ZFYVE26: variants seen among roughly 807,000 people sequenced by gnomAD.
The protein encoded by ZFYVE26 is zinc finger FYVE domain-containing protein 26.
ZFYVE26 carries 181 observed loss-of-function variants against 276.5 expected under a neutral mutation model. That is an observed-to-expected ratio of 0.65 (90% CI 0.58 to 0.74). ZFYVE26 has a LOEUF of 0.74. ZFYVE26 is among the 30% of genes least tolerant of loss of function. The pLI, the probability that ZFYVE26 is intolerant of heterozygous loss-of-function variation, is 0.00. For synonymous variants in ZFYVE26, 1,129 were observed against 1,203.1 expected (o/e 0.94, Z 1.27); for missense variants, 2,821 against 3,097.9 (o/e 0.91, Z 2.12).
Position 67,774,165 on chromosome 14 carries a change from A to G in ZFYVE26, c.5320+851T>C, listed in dbSNP as rs76000094. Among the ~76,000 whole-genome samples the G allele has an allele frequency of 2.3e-4, 35 of 152,340 alleles. 1 individual carries two copies. The East Asian group carries it at 6.6e-3, about 29-fold the overall frequency. On this transcript the variant is annotated intron_variant, in intron 27 of 41. Transcript: ENST00000347230. ...CGGTCATGAAAGTTTTGAGTCACCC[A>G]ATACTCAACACTCAAATTCCCAACT...
chr14:67,759,933 C>T (rs989248815), intron 35 of ZFYVE26, among the ~76,000 whole-genome samples: 61 of 152,228 alleles, frequency 4.0e-4, no homozygotes, highest in African/African-American at 1.4e-3. Flanking sequence ...CTTCCATGCT[C>T]CAGGCATTCA....
chr14:67,755,089 T>C lies in ZFYVE26; in HGVS notation c.6948A>G (p.Thr2316=), dbSNP rs751762332. ...TSRSSGRKKT[T]FFRKKMTAAD... is the part of the protein sequence containing the mutation. The stretch of plus-strand genomic sequence containing the variant: ...CTGCAGTCATCTTCTTTCTGAAGAA[T>C]GTGGTTTTCTTCCTTCCAGAGCTGC... Residue 2316 remains threonine, a synonymous_variant, in exon 37 of 42, where the codon ACA becomes ACG. Transcript: ENST00000347230. The C allele has an allele frequency of 2.5e-6, 4 of 1,614,070 alleles. No individual in the cohort carries two copies. In the African/African-American group the frequency reaches 4.0e-5, roughly 16 times the overall value.
chr14:67,765,711 T>C (rs1278838918), intron 32 of ZFYVE26, among the ~76,000 whole-genome samples: 2 of 152,184 alleles, frequency 1.3e-5, no homozygotes, highest in Non-Finnish European at 2.9e-5. Context: ...TACACACTTC[T>C]ACTTTATGAC....
intron 9 of ZFYVE26, among the ~76,000 whole-genome samples, chr14:67,803,245 A>C (rs1472427154): frequency 1.3e-5 from 2 of 151,976 alleles, no homozygotes; most frequent in Non-Finnish European, 2.9e-5. Context: ...GAGGGGAGGG[A>C]AATAAGATAA....
chr14:67,783,065 A>G lies in ZFYVE26; in HGVS notation c.4087T>C (p.Phe1363Leu), dbSNP rs1409739105. The G allele has an allele frequency of 6.2e-7, 1 of 1,614,052 alleles. No individual in the cohort carries two copies. The highest frequency in any genetic ancestry group is 2.2e-5 in the East Asian group (1 of 44,878). The change falls in exon 21 of 42, where the codon TTC becomes CTC. Residue 1363 changes from phenylalanine to leucine, a missense_variant. Coordinates refer to ENST00000347230, the MANE Select transcript of ZFYVE26 (RefSeq NM_015346.4). ...ARECERLLEQ[F>L]PLFEAFLLAA... ...AGGAGGAAGGCCTCAAACAGAGGGA[A>G]TTGTTCCAGAAGGCGCTCACACTCC... is the stretch of plus-strand genomic sequence containing the variant.
In ZFYVE26 at chr14:67,767,744, T is replaced by C. The variant is rs1594896697; in HGVS notation, c.5750A>G (p.Glu1917Gly). 6.2e-7 allele frequency: 1 copy of C among 1,614,160 alleles called. No individual in the cohort carries two copies. Among genetic ancestry groups the C allele is most frequent in the South Asian group, 1.1e-5 (1 of 91,090 alleles). The stretch of plus-strand genomic sequence containing the variant: ...TTCACTCCGCACCAGCTCATTTTCC[T>C]CCTCTTTGAGATCCAAAATCCATTC... ...EVEWILDLKE[E>G]ENELVRSEFY... Residue 1917 changes from glutamate to glycine, a missense_variant, in exon 31 of 42, where the codon GAG (glutamate) becomes GGG (glycine). Transcript: ENST00000347230.
intron 29 of ZFYVE26, 65 bp from the exon 30 acceptor site, chr14:67,768,613 T>C (rs1378597927): frequency 2.0e-6 from 3 of 1,516,710 alleles, no homozygotes; most frequent in Non-Finnish European, 2.7e-6. Context: ...TTGAGCTTCG[T>C]AGACAGCATC....
At chr14:67,738,077 GA>G (rs1316091835) in intron 13 of ZFYVE26, among the ~76,000 whole-genome samples, 16 of 152,032 alleles carry the variant, frequency 1.1e-4, no homozygotes, top group African/African-American at 3.4e-4. Context: ...TCAAAAATTT[GA>G]AAGCTTAGCA....
chr14:67,783,101 G>A lies in ZFYVE26; in HGVS notation c.4051C>T (p.Gln1351Ter). Residue 1351 changes from glutamine (Q) to a stop codon, truncating the protein, a stop_gained, in exon 21 of 42, where the codon CAG (glutamine) becomes TAG (stop). Coordinates refer to ENST00000347230, the MANE Select transcript of ZFYVE26 (RefSeq NM_015346.4). LOFTEE classifies it high-confidence loss of function. ...GRREVPLAAE[Q>*]VARECERLLE... ...AGGCGCTCACACTCCCGGGCTACCTGCTCTGCAGCCAGAGGCACCTCCCTG... is the reference window on the plus strand; with the variant it reads ...AGGCGCTCACACTCCCGGGCTACCTACTCTGCAGCCAGAGGCACCTCCCTG... The A allele has an allele frequency of 6.2e-7, 1 of 1,611,832 alleles. No homozygotes were observed. Among genetic ancestry groups the A allele is most frequent in the South Asian group, 1.1e-5 (1 of 91,038 alleles).
intron 8 of ZFYVE26, among the ~76,000 whole-genome samples, 185 bp downstream of exon 8, chr14:67,805,032 C>T (rs1329304836): frequency 6.6e-6 from 1 of 152,202 alleles, no homozygotes; most frequent in Non-Finnish European, 1.5e-5. Context: ...ACCTGATTGT[C>T]ATGGTGAAGG....
chr14:67,771,857 T>C (rs1413317080), intron 28 of ZFYVE26, among the ~76,000 whole-genome samples, 190 bp downstream of exon 28: 1 of 152,242 alleles, frequency 6.6e-6, no homozygotes, highest in Non-Finnish European at 1.5e-5. Flanking sequence ...TTTGAGGGTG[T>C]CTACTACCTG....
chr14:67,816,141 T>A, intron 1 of ZFYVE26, 95 bp from the exon 2 acceptor site: 1 of 581,140 alleles, frequency 1.7e-6, no homozygotes. Flanking sequence ...CGGGACTTGC[T>A]TGCCTAAGTA....
At chr14:67,793,516 T>G (rs933880104) in intron 14 of ZFYVE26, 92 bp downstream of exon 14, 1 of 1,462,474 alleles carries the variant, frequency 6.8e-7, no homozygotes, top group African/African-American at 1.4e-5. Flanking sequence ...TGTGGACCCC[T>G]GAGTGCTCCC....
intron 14 of ZFYVE26, among the ~76,000 whole-genome samples, chr14:67,792,933 AAG>A (rs2039857991): frequency 6.7e-6 from 1 of 149,564 alleles, no homozygotes; most frequent in South Asian, 2.1e-4. Context: ...AAAAAAAAAA[AAG>A]AAAAGGAAAT....
At chr14:67,743,520 A>C (rs1370835718), downstream of ZFYVE26, among the ~76,000 whole-genome samples, 2 of 92,858 alleles carry the variant, frequency 2.2e-5, no homozygotes, top group African/African-American at 8.0e-5. Flanking sequence ...ATAAAATAAA[A>C]TAAAATAAAA....
chr14:67,786,516 C>T (rs2140228729), intron 16 of ZFYVE26, among the ~76,000 whole-genome samples: 1 of 152,304 alleles, frequency 6.6e-6, no homozygotes, highest in South Asian at 2.1e-4. Context: ...ATAGATTTGC[C>T]TTGGTACTGC....
Position 67,768,531 on chromosome 14 carries a change from G to C in ZFYVE26, c.5639C>G (p.Ser1880Ter). 6.2e-7 allele frequency: 1 copy of C among 1,614,158 alleles called. No individual in the cohort carries two copies. The highest frequency in any genetic ancestry group is 8.5e-7 in the Non-Finnish European group (1 of 1,180,018). The change falls in exon 30 of 42, where the codon TCA becomes TGA. Residue 1880 changes from serine to a stop codon, truncating the protein, a stop_gained. Transcript: ENST00000347230. LOFTEE classifies it high-confidence loss of function. ...YCNKDVPEEP[S>*]EKPEALDSSK... ...TTTGGCCTTACCTTCTGGTTTTTCT[G>C]AAGGCTCCTCTGGTACACTGAAAAC... is the stretch of plus-strand genomic sequence containing the variant.
intron 40 of ZFYVE26, among the ~76,000 whole-genome samples, chr14:67,751,994 C>T (rs2038658423): frequency 6.6e-6 from 1 of 152,208 alleles, no homozygotes; most frequent in Admixed American, 6.5e-5. Context: ...TCCACAAAGC[C>T]ACCATGGGAG....
intron 39 of ZFYVE26, among the ~76,000 whole-genome samples, chr14:67,752,793 T>C (rs2038683942): frequency 6.6e-6 from 1 of 152,210 alleles, no homozygotes; most frequent in African/African-American, 2.4e-5. Context: ...ACTGAAAATA[T>C]TCTTATCAAA....
Sources: allele counts gnomAD v4.1 joint callset (sites outside exome capture counted in the v4.1 genomes callset), GRCh38; gene constraint gnomAD v4.1.1; transcripts MANE v1.5; gene names NCBI Gene and HGNC (gene_info 2026-07-23, HGNC 2026-07-21).